The following PMVK variants were observed in gnomAD, a reference collection of about 807,000 sequenced individuals.
The protein encoded by PMVK is testis tissue sperm-binding protein Li 95mP.
A neutral mutation model predicts 19.0 loss-of-function variants in PMVK; 10 were observed. The observed-to-expected ratio is 0.53, with a 90% CI of 0.32 to 0.89. The LOEUF is 0.89. Among genes scored for constraint, PMVK ranks in the 40% least tolerant of loss-of-function variants. The pLI is 0.03. For missense variants in PMVK, 222 were observed against 251.1 expected, an observed-to-expected ratio of 0.88 and a Z score of 0.78; for synonymous variants, 108 against 101.6, an observed-to-expected ratio of 1.06 and a Z score of -0.38.
chr1:154,938,944 C>T (rs1654586775), upstream of PMVK, among the ~76,000 whole-genome samples: 1 of 152,080 alleles, frequency 6.6e-6, no homozygotes, highest in African/African-American at 2.4e-5. Context: ...GTCTGGAATT[C>T]CTGGGCTCAA....
At position 154,925,149 on chromosome 1, in the gene PMVK, A is replaced by C; in HGVS notation, c.559T>G (p.Phe187Val). 6.2e-7 allele frequency: 1 copy of C among 1,613,570 alleles called. No homozygotes were observed. The stretch of plus-strand genomic sequence containing the variant: ...AGTGACTAAAGTCTGGAGCGGATAA[A>C]TTCTATCAGGTTCTCCAACTGCTCC... ...LEEQLENLIEFIRSRL is the reference protein window; with the variant it reads ...LEEQLENLIEVIRSRL The change falls in exon 5 of 5, where the codon TTT becomes GTT. Residue 187 changes from phenylalanine (F) to valine (V), a missense_variant. Physicochemically the swap from Phe to Val is conservative, Grantham distance 50. Transcript: ENST00000368467.
At chr1:154,930,149 CT>C (rs1297812343) in intron 2 of PMVK, among the ~76,000 whole-genome samples, 2 of 152,210 alleles carry the variant, frequency 1.3e-5, no homozygotes, top group African/African-American at 2.4e-5. Flanking sequence ...CTATCAGAGT[CT>C]TCCATGGAGC....
intron 2 of PMVK, among the ~76,000 whole-genome samples, chr1:154,930,821 C>A (rs182742601): frequency 3.3e-5 from 5 of 152,210 alleles, no homozygotes; most frequent in African/African-American, 1.2e-4. Context: ...TAAAGTAGCT[C>A]CTGCCCAAAT....
At chr1:154,935,563 TTTTC>T (rs1654478117) in intron 1 of PMVK, among the ~76,000 whole-genome samples, 1 of 152,204 alleles carries the variant, frequency 6.6e-6, no homozygotes, top group South Asian at 2.1e-4. Context: ...TTTGGGTTTT[TTTTC>T]TTTTTGTTTC....
intron 2 of PMVK, among the ~76,000 whole-genome samples, chr1:154,932,018 G>A (rs1654350706): frequency 6.6e-6 from 1 of 152,038 alleles, no homozygotes; most frequent in Non-Finnish European, 1.5e-5. Context: ...CAAAGTTCTA[G>A]GGGCTGTGTC....
intron 1 of PMVK, among the ~76,000 whole-genome samples, chr1:154,935,296 C>A (rs538063026): frequency 2.0e-5 from 3 of 152,004 alleles, no homozygotes; most frequent in African/African-American, 7.3e-5. Flanking sequence ...CTGCTCTGGG[C>A]TCTCCCACAC....
chr1:154,925,517 G>T (rs1274942446), intron 4 of PMVK, among the ~76,000 whole-genome samples: 1 of 152,204 alleles, frequency 6.6e-6, no homozygotes, highest in African/African-American at 2.4e-5. Flanking sequence ...CCTACAGAGG[G>T]TGAATCGGGT....
intron 1 of PMVK, 99 bp downstream of exon 1, chr1:154,936,492 G>A: frequency 6.6e-7 from 1 of 1,512,686 alleles, no homozygotes; most frequent in Non-Finnish European, 8.9e-7. Context: ...GCAAACGGAC[G>A]ACCCGTACTC....
intron 2 of PMVK, among the ~76,000 whole-genome samples, chr1:154,931,556 C>T (rs1392343764): frequency 6.6e-6 from 1 of 152,224 alleles, no homozygotes; most frequent in Non-Finnish European, 1.5e-5. Context: ...GGTACGGTTT[C>T]TAACCTGTCT....
chr1:154,928,378 G>T (rs748820456), intron 3 of PMVK, among the ~76,000 whole-genome samples: 1 of 152,230 alleles, frequency 6.6e-6, no homozygotes. Flanking sequence ...ACAAGGCCCA[G>T]AAGTTCATGT....
chr1:154,939,187 G>A (rs1654590175), upstream of PMVK, among the ~76,000 whole-genome samples: 1 of 152,056 alleles, frequency 6.6e-6, no homozygotes, highest in Non-Finnish European at 1.5e-5. Flanking sequence ...CTCCTCCTCA[G>A]AGGCCAGCTC....
intron 3 of PMVK, among the ~76,000 whole-genome samples, chr1:154,928,724 A>G (rs1654244105): frequency 6.6e-6 from 1 of 152,014 alleles, no homozygotes; most frequent in South Asian, 2.1e-4. Context: ...GTGAGCCAAG[A>G]TTGCGCCACT....
At chr1:154,931,847 T>A (rs1654345085) in intron 2 of PMVK, among the ~76,000 whole-genome samples, 2 of 152,006 alleles carry the variant, frequency 1.3e-5, no homozygotes, top group South Asian at 4.1e-4. Flanking sequence ...TTGTTTACTT[T>A]AAAAAAAATT....
upstream of PMVK, chr1:154,937,393 G>GCCTTT (rs1654544573): frequency 1.3e-5 from 2 of 152,290 alleles, no homozygotes; most frequent in Admixed American, 1.3e-4. Context: ...AGCCCGGCGA[G>GCCTTT]AAACCTTTGA....
chr1:154,934,917 C>G (rs995981562), intron 1 of PMVK, among the ~76,000 whole-genome samples: 1 of 151,874 alleles, frequency 6.6e-6, no homozygotes, highest in Admixed American at 6.6e-5. Flanking sequence ...CAAAAGTTAG[C>G]TGGGCATGGT....
At chr1:154,934,907 CAA>C (rs1411868810) in intron 1 of PMVK, among the ~76,000 whole-genome samples, 1 of 151,698 alleles carries the variant, frequency 6.6e-6, no homozygotes, top group African/African-American at 2.4e-5. Context: ...ACTAAAAATA[CAA>C]AAGTTAGCTG....
intron 1 of PMVK, among the ~76,000 whole-genome samples, chr1:154,933,912 C>A (rs1183831204): frequency 1.3e-5 from 2 of 152,112 alleles, no homozygotes. Flanking sequence ...TTATTGGGTA[C>A]CATATTTGGA....
At chr1:154,929,795 A>C (rs1029860704) in intron 2 of PMVK, among the ~76,000 whole-genome samples, 1 of 151,946 alleles carries the variant, frequency 6.6e-6, no homozygotes, top group South Asian at 2.1e-4. Flanking sequence ...TCCCCTTTCC[A>C]AGCAGAGGGG....
Position 154,935,058 on chromosome 1 carries a change from CAAAAAAAAAAAAA to C in PMVK, c.95+1520_95+1532del, listed in dbSNP as rs569402578. 1.9e-3 allele frequency among the ~76,000 whole-genome samples: 42 copies of C among 22,274 alleles called. No homozygotes were observed. The East Asian group carries it at 0.069, about 36-fold the overall frequency. 14.6% of individuals were successfully genotyped at this position (22,274 alleles called of 152,430 possible). A position where few individuals can be genotyped will look rare whatever the true frequency, so the allele number is the denominator to read the frequency against. ...TGGGTGACAGAGCAAGACTCCGTCTCAAAAAAAAAAAAAAAAAAAAAAAAAAAACATGAGGCAC... is the reference window on the plus strand; with the variant it reads ...TGGGTGACAGAGCAAGACTCCGTCTCAAAAAAAAAAAAAAACATGAGGCAC... On this transcript the variant is annotated intron_variant, in intron 1 of 4. Coordinates refer to ENST00000368467, the MANE Select transcript of PMVK (RefSeq NM_006556.4).
Sources: allele counts gnomAD v4.1 joint callset (sites outside exome capture counted in the v4.1 genomes callset), GRCh38; gene constraint gnomAD v4.1.1; transcripts MANE v1.5; gene names NCBI Gene and HGNC (gene_info 2026-07-23, HGNC 2026-07-21).